The following TBCD variants were observed in gnomAD, a reference collection of about 807,000 sequenced individuals.
TBCD encodes the protein tubulin folding cofactor D, also known as tubulin-specific chaperone D.
A neutral mutation model predicts 169.3 loss-of-function variants in TBCD; 105 were observed. The observed-to-expected ratio is 0.62, with a 90% CI of 0.53 to 0.73. TBCD has a LOEUF of 0.73. Ranked by LOEUF, TBCD falls within the 30% of genes least tolerant of loss-of-function variation. The probability of loss-of-function intolerance (pLI) is 0.00; values close to 1 mark genes in which losing one functional copy is unlikely to be tolerated. For missense variants in TBCD, 1,444 were observed against 1,600.1 expected, an observed-to-expected ratio of 0.90 and a Z score of 1.66; for synonymous variants, 700 against 643.9, an observed-to-expected ratio of 1.09 and a Z score of -1.32.
At chr17:82,879,932 A>G (rs2058242854) in intron 14 of TBCD, among the ~76,000 whole-genome samples, 1 of 151,668 alleles carries the variant, frequency 6.6e-6, no homozygotes, top group South Asian at 2.1e-4. Context: ...CCTGGCGGTC[A>G]CAGGCCTACC....
Position 82,909,457 on chromosome 17 carries a change from C to T in TBCD, c.2006+150C>T, listed in dbSNP as rs2271915. 122,843 of 508,162 alleles carry T rather than the reference C, an allele frequency of 0.24. 16,038 individuals carry two copies. The highest frequency in any genetic ancestry group is 0.29 in the Middle Eastern group (525 of 1,818). The allele number at this position is 508,162 out of a possible 1,614,324, so 31.5% of individuals were successfully genotyped here. On this transcript the variant is annotated intron_variant, in intron 22 of 38. Coordinates refer to ENST00000355528, the MANE Select transcript of TBCD (RefSeq NM_005993.5). ...GTGTCACCCGGCCCGCTGTGGGAGGCGCATGAGGGTCTGACCTGGTTGTGT... is the reference window on the plus strand; with the variant it reads ...GTGTCACCCGGCCCGCTGTGGGAGGTGCATGAGGGTCTGACCTGGTTGTGT...
At chr17:82,898,904 A>G (rs954606006) in intron 17 of TBCD, among the ~76,000 whole-genome samples, 5 of 107,772 alleles carry the variant, frequency 4.6e-5, no homozygotes, top group African/African-American at 1.4e-4. Context: ...CAGTGTGTCC[A>G]CCTGCGTCAC....
intron 13 of TBCD, among the ~76,000 whole-genome samples, chr17:82,854,414 C>A (rs1447210290): frequency 6.6e-6 from 1 of 152,220 alleles, no homozygotes; most frequent in African/African-American, 2.4e-5. Flanking sequence ...GCAGGCCGGA[C>A]GCAGGCGCTG....
At chr17:82,849,997 G>C (rs929821397) in intron 13 of TBCD, among the ~76,000 whole-genome samples, 1 of 143,220 alleles carries the variant, frequency 7.0e-6, no homozygotes, top group African/African-American at 2.6e-5. Flanking sequence ...GCTGCTGTTG[G>C]CTGTGCTGCT....
chr17:82,814,318 G>A lies in TBCD; in HGVS notation c.1224-522G>A, dbSNP rs547308294. On this transcript the variant is annotated intron_variant, in intron 12 of 38. Transcript: ENST00000355528. The stretch of plus-strand genomic sequence containing the variant: ...GTGTCTTATTTCTTTCTATGGGAGC[G>A]TGGGTGTTGCCCGTACTTGGAGCGA... 3.1e-3 allele frequency among the ~76,000 whole-genome samples: 479 copies of A among 152,260 alleles called. 3 individuals carry two copies. Among genetic ancestry groups the A allele is most frequent in the African/African-American group, 0.011 (454 of 41,520 alleles).
rs1448466317 is a variant in TBCD at position 82,809,708 on chromosome 17, C to T, written c.1149C>T (p.Gly383=). The change falls in exon 12 of 39, where the codon GGC becomes GGT. Residue 383 remains glycine (G), a splice_region_variant and synonymous_variant. Coordinates refer to ENST00000355528, the MANE Select transcript of TBCD (RefSeq NM_005993.5). ...ACGGATTGCTGCGTTTCTCTTTCAG[C>T]ATCGGTAGGATGGCTGGCAGGCTTC... ...DTVVRWSAAK[G]IGRMAGRLPR... 1 of 1,612,706 alleles carries T rather than the reference C, an allele frequency of 6.2e-7. No individual in the cohort carries two copies. Among genetic ancestry groups the T allele is most frequent in the Non-Finnish European group, 8.5e-7 (1 of 1,179,294 alleles).
intron 13 of TBCD, among the ~76,000 whole-genome samples, chr17:82,819,882 T>C (rs1272494380): frequency 2.6e-5 from 4 of 152,172 alleles, no homozygotes; most frequent in Non-Finnish European, 5.9e-5. Context: ...CTCCTCACCA[T>C]GAGTAAGCTC....
At chr17:82,907,133 G>A (rs1050777671) in intron 20 of TBCD, among the ~76,000 whole-genome samples, 2 of 152,258 alleles carry the variant, frequency 1.3e-5, no homozygotes, top group African/African-American at 4.8e-5. Flanking sequence ...GAAAGCAGGT[G>A]CCAGCGTAAA....
chr17:82,753,183 T>C (rs2047208178), intron 1 of TBCD, among the ~76,000 whole-genome samples: 1 of 152,228 alleles, frequency 6.6e-6, no homozygotes, highest in African/African-American at 2.4e-5. Context: ...TTCCTCATTT[T>C]AGAATGACAG....
At chr17:82,754,073 C>T (rs1002381597) in intron 1 of TBCD, among the ~76,000 whole-genome samples, 16 of 151,872 alleles carry the variant, frequency 1.1e-4, no homozygotes, top group Middle Eastern at 3.4e-3. Context: ...TGACGGGTTT[C>T]ATCGTGTTAG....
Position 82,831,346 on chromosome 17 carries a change from G to A in TBCD, c.1318+16412G>A. Reference sequence around the variant, plus strand: ...TTCGAACTCGACGTGTTTTCTGTTGGGGTCCGAAGGGTTTAACCTGGAAGG... The same window carrying A: ...TTCGAACTCGACGTGTTTTCTGTTGAGGTCCGAAGGGTTTAACCTGGAAGG... On this transcript the variant is annotated intron_variant, in intron 13 of 38. Transcript: ENST00000355528. This position sits in a 1 kb window ranked among gnomAD's most constrained non-coding sequence, Gnocchi z 4.6. 1 of 1,614,036 alleles carries A rather than the reference G, an allele frequency of 6.2e-7. No homozygotes were observed. The highest frequency in any genetic ancestry group is 8.5e-7 in the Non-Finnish European group (1 of 1,180,020).
intron 11 of TBCD, 102 bp downstream of exon 11, chr17:82,807,770 C>A: frequency 1.1e-6 from 1 of 920,100 alleles, no homozygotes; most frequent in Non-Finnish European, 1.5e-6. Flanking sequence ...GGCAGCGCGG[C>A]CCCCTCCTCG....
At position 82,832,744 on chromosome 17, in the gene TBCD, G is replaced by A; in HGVS notation, c.1318+17810G>A. 2.1e-6 allele frequency: 1 copy of A among 479,312 alleles called. No homozygotes were observed. Among genetic ancestry groups the A allele is most frequent in the Non-Finnish European group, 3.8e-6 (1 of 262,726 alleles). The allele number at this position is 479,312 out of a possible 1,614,324, so 29.7% of individuals were successfully genotyped here. On this transcript the variant is annotated intron_variant, in intron 13 of 38. Transcript: ENST00000355528. This position sits in a 1 kb window ranked among gnomAD's most constrained non-coding sequence, Gnocchi z 4.9. ...GGATCCCTGAAGCAGAACCCCTGAA[G>A]GGCTGAAACTGCCTGCTCCTGAGGG... is the stretch of plus-strand genomic sequence containing the variant.
intron 23 of TBCD, 149 bp downstream of exon 23, chr17:82,911,938 C>A: frequency 1.3e-6 from 1 of 746,762 alleles, no homozygotes; most frequent in Non-Finnish European, 2.3e-6. Flanking sequence ...CTGTGATGTG[C>A]TTGGTTTGTC....
At chr17:82,911,737 G>C in intron 22 of TBCD, 21 bp from the exon 23 acceptor site, 1 of 1,613,332 alleles carries the variant, frequency 6.2e-7, no homozygotes, top group Non-Finnish European at 8.5e-7. Flanking sequence ...TTCTAATTCT[G>C]ATGTTTTCAT....
chr17:82,879,890 T>C (rs559796435), intron 14 of TBCD, among the ~76,000 whole-genome samples: 3 of 152,150 alleles, frequency 2.0e-5, no homozygotes, highest in Admixed American at 1.3e-4. Context: ...ATCTTTCCTT[T>C]TTTTTTTTGG....
rs948837196 is a variant in TBCD at position 82,924,980 on chromosome 17, G to A, written c.2302G>A (p.Glu768Lys). Residue 768 changes from glutamate (E) to lysine (K), a missense_variant, in exon 27 of 39, where the codon GAG becomes AAG. Transcript: ENST00000355528. Reference sequence around the variant, plus strand: ...GTACCTGGCTGAGCTTCGGAACCCCGAGGAGATGACTCGCTGTGGCTTCTC... The same window carrying A: ...GTACCTGGCTGAGCTTCGGAACCCCAAGGAGATGACTCGCTGTGGCTTCTC... ...TQYLAELRNPEEMTRCGFSLA... is the reference protein window; with the variant it reads ...TQYLAELRNPKEMTRCGFSLA... The A allele has an allele frequency of 5.1e-6, 8 of 1,575,398 alleles. No homozygotes were observed. The highest frequency in any genetic ancestry group is 2.3e-5 in the East Asian group (1 of 42,984).
At chr17:82,881,387 T>C (rs1252883190) in intron 14 of TBCD, among the ~76,000 whole-genome samples, 1 of 152,230 alleles carries the variant, frequency 6.6e-6, no homozygotes, top group Non-Finnish European at 1.5e-5. Flanking sequence ...CGATGAGGGG[T>C]GCAGAGCTTC....
intron 27 of TBCD, among the ~76,000 whole-genome samples, chr17:82,925,450 A>G (rs2147225536): frequency 6.6e-6 from 1 of 152,244 alleles, no homozygotes; most frequent in East Asian, 1.9e-4. Context: ...ACGTCCTCCC[A>G]GAGGTCAGCC....
Sources: allele counts gnomAD v4.1 joint callset (sites outside exome capture counted in the v4.1 genomes callset), GRCh38; gene constraint gnomAD v4.1.1; non-coding constraint Gnocchi (gnomAD v3.1); transcripts MANE v1.5; gene names NCBI Gene and HGNC (gene_info 2026-07-23, HGNC 2026-07-21).